WWOX: variants seen among roughly 807,000 people sequenced by gnomAD.
The protein encoded by WWOX is WW domain-containing oxidoreductase.
In WWOX, 69 loss-of-function variants were observed where a neutral mutation model predicts 46.2. The observed-to-expected ratio is 1.49, with a 90% CI of 1.23 to 1.82. The LOEUF (loss-of-function observed/expected upper bound fraction) is 1.82, where lower values mean the gene tolerates loss of function less well. Ranked by LOEUF, WWOX falls within the 40% of genes most tolerant of loss-of-function variation. The probability of loss-of-function intolerance (pLI) is 0.00; values close to 1 mark genes in which losing one functional copy is unlikely to be tolerated. For missense variants in WWOX, 919 were observed against 542.6 expected, an observed-to-expected ratio of 1.69 and a Z score of -6.89; for synonymous variants, 359 against 202.6, an observed-to-expected ratio of 1.77 and a Z score of -6.56.
At chr16:78,593,536 C>T (rs527574923) in intron 8 of WWOX, among the ~76,000 whole-genome samples, 32 of 152,270 alleles carry the variant, frequency 2.1e-4, no homozygotes, top group African/African-American at 6.7e-4. Flanking sequence ...TCCTGATTCC[C>T]GGCCACAGTG....
chr16:79,096,294 T>C (rs1016240101), intron 8 of WWOX, among the ~76,000 whole-genome samples: 1 of 152,128 alleles, frequency 6.6e-6, no homozygotes, highest in African/African-American at 2.4e-5. Context: ...GCTCCGAACT[T>C]TCTGAAGGCG....
chr16:78,813,296 T>A (rs2051241262), intron 8 of WWOX, among the ~76,000 whole-genome samples: 1 of 152,060 alleles, frequency 6.6e-6, no homozygotes, highest in Admixed American at 6.6e-5. Context: ...TTTTTTTCCC[T>A]CCTAAGCTAT....
intron 8 of WWOX, among the ~76,000 whole-genome samples, chr16:79,019,051 G>C (rs528887281): frequency 6.7e-6 from 1 of 150,256 alleles, no homozygotes; most frequent in East Asian, 2.0e-4. Context: ...CAGCTATTCC[G>C]GAAGCTGAGG....
intron 8 of WWOX, among the ~76,000 whole-genome samples, chr16:78,964,602 G>A (rs765098068): frequency 6.0e-4 from 91 of 152,310 alleles, no homozygotes; most frequent in South Asian, 1.5e-3. Context: ...CTGATTGTGC[G>A]ATAGAAAAGA....
chr16:78,753,317 T>A (rs2049534169), intron 8 of WWOX, among the ~76,000 whole-genome samples: 1 of 149,884 alleles, frequency 6.7e-6, no homozygotes. Context: ...AGACTCCGTC[T>A]CAAAAAAAAA....
At chr16:79,094,009 T>G (rs1567545444) in intron 8 of WWOX, among the ~76,000 whole-genome samples, 1 of 152,158 alleles carries the variant, frequency 6.6e-6, no homozygotes, top group Non-Finnish European at 1.5e-5. Context: ...CGAATACATG[T>G]ATGAATGAAT....
chr16:78,523,228 C>A (rs758951579), intron 8 of WWOX, among the ~76,000 whole-genome samples: 1 of 152,168 alleles, frequency 6.6e-6, no homozygotes, highest in African/African-American at 2.4e-5. Flanking sequence ...AGGCACGTAT[C>A]TAAACCAAAG....
chr16:79,059,559 C>T (rs374619677), intron 8 of WWOX, among the ~76,000 whole-genome samples: 21 of 152,170 alleles, frequency 1.4e-4, no homozygotes, highest in Non-Finnish European at 2.2e-4. Flanking sequence ...GGCGCGATCT[C>T]GGCTCACTGC....
At chr16:78,842,391 T>A (rs1035521889) in intron 8 of WWOX, among the ~76,000 whole-genome samples, 5 of 151,812 alleles carry the variant, frequency 3.3e-5, no homozygotes, top group Admixed American at 6.6e-5. Context: ...TAGGCTGAGC[T>A]GCTCGGGAGG....
At chr16:78,964,031 C>T (rs1342708714) in intron 8 of WWOX, among the ~76,000 whole-genome samples, 3 of 152,202 alleles carry the variant, frequency 2.0e-5, no homozygotes, top group Non-Finnish European at 2.9e-5. Flanking sequence ...GAGACCTCCC[C>T]AGCCATGTAG....
rs989836781 is a variant in WWOX at position 78,513,198 on chromosome 16, G to A, written c.1056+80446G>A. On this transcript the variant is annotated intron_variant, in intron 8 of 8. Transcript: ENST00000566780. ...TCAAATCATTTTTGGAAGGAGACAG[G>A]ATATGAATTGACAAATTAATAAAAT... Among the ~76,000 whole-genome samples the A allele has an allele frequency of 2.6e-5, 4 of 152,274 alleles. No homozygotes were observed. In the East Asian group the frequency reaches 7.7e-4, roughly 29 times the overall value.
chr16:79,129,980 A>C (rs11648193), intron 8 of WWOX, among the ~76,000 whole-genome samples: 4,249 of 152,270 alleles, frequency 0.028, 81 homozygotes, highest in Non-Finnish European at 0.042. Context: ...TCATCTGTAA[A>C]ATAGAGGTAA....
At chr16:78,479,287 G>A (rs761404465) in intron 8 of WWOX, among the ~76,000 whole-genome samples, 3 of 152,216 alleles carry the variant, frequency 2.0e-5, no homozygotes, top group Non-Finnish European at 4.4e-5. Flanking sequence ...ATTTGTATCA[G>A]TCAAGCCTTC....
intron 8 of WWOX, among the ~76,000 whole-genome samples, chr16:78,850,629 C>A (rs2052419260): frequency 6.6e-6 from 1 of 152,286 alleles, no homozygotes; most frequent in South Asian, 2.1e-4. Context: ...CCATCACCAT[C>A]CTTGTTCACC....
intron 8 of WWOX, among the ~76,000 whole-genome samples, chr16:78,902,331 T>G (rs1007634766): frequency 6.6e-6 from 1 of 152,228 alleles, no homozygotes; most frequent in Admixed American, 6.5e-5. Flanking sequence ...TGAAAAGTGT[T>G]CTGAGGCATA....
At chr16:79,058,114 AAAAAAACAAAC>A (rs1437987893) in intron 8 of WWOX, among the ~76,000 whole-genome samples, 281 of 129,798 alleles carry the variant, frequency 2.2e-3, no homozygotes, top group South Asian at 2.4e-3. Flanking sequence ...CTTAAAAAAA[AAAAAAACAAAC>A]AAACAAAAAA....
intron 4 of WWOX, among the ~76,000 whole-genome samples, chr16:78,139,317 G>A (rs540926142): frequency 1.8e-3 from 280 of 152,194 alleles, no homozygotes; most frequent in Non-Finnish European, 2.5e-3. Context: ...TTGGCGAGAG[G>A]GTGTTGCTTT....
chr16:78,697,529 G>A (rs1227741968), intron 8 of WWOX, among the ~76,000 whole-genome samples: 1 of 152,006 alleles, frequency 6.6e-6, no homozygotes, highest in African/African-American at 2.4e-5. Context: ...TAATATCCAG[G>A]ATCTACATGG....
intron 8 of WWOX, among the ~76,000 whole-genome samples, chr16:79,008,549 C>A (rs919888055): frequency 4.6e-5 from 7 of 151,590 alleles, no homozygotes; most frequent in African/African-American, 1.7e-4. Flanking sequence ...TGAATCCTGA[C>A]TACCATAGTC....
Sources: gnomAD v4.1 joint callset for allele counts (sites outside exome capture counted in the v4.1 genomes callset) on GRCh38, gnomAD v4.1.1 for gene constraint, MANE v1.5 for transcripts, NCBI Gene and HGNC (gene_info 2026-07-23, HGNC 2026-07-21) for gene names.